Variants in CSMD1 observed in about 807,000 individuals in gnomAD.
CSMD1 encodes CUB and Sushi multiple domains 1, also known as CUB and sushi domain-containing protein 1.
Under a neutral mutation model 417.5 loss-of-function variants are expected in CSMD1, and 213 were observed. The ratio of observed to expected loss-of-function variants is 0.51; its 90% CI spans 0.46 to 0.57. The LOEUF is 0.57. CSMD1 is among the 20% of genes least tolerant of loss of function. CSMD1 has a pLI of 0.00. For synonymous variants in CSMD1, 2,862 were observed against 1,736.8 expected, an observed-to-expected ratio of 1.65 and a Z score of -16.11; for missense variants, 6,923 against 4,529.7, an observed-to-expected ratio of 1.53 and a Z score of -15.17.
intron 3 of CSMD1, among the ~76,000 whole-genome samples, chr8:4,158,226 C>G (rs1473147823): frequency 3.3e-5 from 5 of 151,812 alleles, no homozygotes; most frequent in African/African-American, 9.7e-5. Context: ...ACCATTGATG[C>G]TAGGACGGAG....
intron 2 of CSMD1, among the ~76,000 whole-genome samples, chr8:4,480,406 A>C (rs1801033950): frequency 6.6e-6 from 1 of 152,152 alleles, no homozygotes; most frequent in Admixed American, 6.5e-5. Context: ...TAAGTTTGTA[A>C]AGCGCGTTAA....
chr8:4,291,077 G>A (rs754004898), intron 3 of CSMD1, among the ~76,000 whole-genome samples: 9 of 152,042 alleles, frequency 5.9e-5, no homozygotes, highest in South Asian at 4.1e-4. Context: ...GGAATTTCCT[G>A]TTTTATTTTG....
chr8:3,396,028 C>T (rs1297504876), intron 17 of CSMD1, among the ~76,000 whole-genome samples, 166 bp downstream of exon 17: 1 of 152,160 alleles, frequency 6.6e-6, no homozygotes, highest in South Asian at 2.1e-4. Context: ...AAGATGCTCT[C>T]TTATGAATAA....
chr8:4,464,984 C>T (rs1315606646), intron 2 of CSMD1, among the ~76,000 whole-genome samples: 1 of 152,128 alleles, frequency 6.6e-6, no homozygotes, highest in African/African-American at 2.4e-5. Flanking sequence ...AGAATGACTT[C>T]TTTTTCCTGA....
intron 1 of CSMD1, among the ~76,000 whole-genome samples, chr8:4,714,868 A>C (rs1466107770): frequency 6.6e-6 from 1 of 152,222 alleles, no homozygotes; most frequent in Non-Finnish European, 1.5e-5. Flanking sequence ...CCGAAGAAAA[A>C]AATCTGTATA....
intron 2 of CSMD1, among the ~76,000 whole-genome samples, chr8:4,633,110 G>T (rs1039178993): frequency 6.6e-6 from 1 of 152,202 alleles, no homozygotes; most frequent in African/African-American, 2.4e-5. Flanking sequence ...GGAGCCTGGG[G>T]CAGGAAAGGA....
At chr8:2,978,888 T>C (rs983406384) in intron 54 of CSMD1, 88 bp from the exon 55 acceptor site, 3 of 1,151,864 alleles carry the variant, frequency 2.6e-6, no homozygotes, top group Admixed American at 3.0e-5. Flanking sequence ...TTCCTCATCA[T>C]TTTAGAAAGT....
At position 4,859,448 on chromosome 8, in the gene CSMD1, G is replaced by T. The variant is rs375443456; in HGVS notation, c.85+134884C>A. On this transcript the variant is annotated intron_variant, in intron 1 of 69. Coordinates refer to ENST00000635120, the MANE Select transcript of CSMD1 (RefSeq NM_033225.6). ...AATTAAGAGCTTCTGCACAGCAAAA[G>T]AAACTACCATCAGAGTGAACAGGCA... 7.2e-4 allele frequency among the ~76,000 whole-genome samples: 110 copies of T among 152,242 alleles called. 3 individuals are homozygous for T. The South Asian group carries it at 0.022, about 30-fold the overall frequency.
Position 3,214,442 on chromosome 8 carries a change from T to C in CSMD1, c.4867+55A>G, listed in dbSNP as rs1436356088. 6 of 1,380,046 alleles carry C rather than the reference T, an allele frequency of 4.3e-6. No homozygotes were observed. The African/African-American group carries it at 8.7e-5, about 20-fold the overall frequency. The allele number at this position is 1,380,046 out of a possible 1,614,324, so 85.5% of individuals were successfully genotyped here. ...ATGTGAAACCATTTCTTCAATGAGA[T>C]GCTGCATTTTAAAGGAAAGTTGTAT... On this transcript the variant is annotated intron_variant, in intron 30 of 69. Transcript: ENST00000635120.
intron 12 of CSMD1, among the ~76,000 whole-genome samples, chr8:3,433,076 A>G (rs1039782711): frequency 2.0e-5 from 3 of 152,236 alleles, no homozygotes; most frequent in African/African-American, 7.2e-5. Context: ...CTAGTTTTTA[A>G]AAGTTATAAT....
chr8:3,443,229 G>A (rs760886668), intron 12 of CSMD1, among the ~76,000 whole-genome samples: 7 of 152,116 alleles, frequency 4.6e-5, no homozygotes, highest in African/African-American at 7.2e-5. Flanking sequence ...ATTTCTTATA[G>A]CAAAGAACTG....
intron 6 of CSMD1, among the ~76,000 whole-genome samples, chr8:3,732,301 A>G (rs991794220): frequency 6.6e-6 from 1 of 152,226 alleles, no homozygotes; most frequent in African/African-American, 2.4e-5. Flanking sequence ...TCTTTCCGCT[A>G]AAAATAATTT....
intron 37 of CSMD1, 113 bp from the exon 38 acceptor site, chr8:3,162,390 T>C: frequency 1.5e-6 from 1 of 687,734 alleles, no homozygotes; most frequent in South Asian, 1.7e-5. Flanking sequence ...GAACAAAGAC[T>C]TCAACTCTTT....
chr8:3,540,436 A>G (rs879442944), intron 10 of CSMD1, among the ~76,000 whole-genome samples: 1 of 152,234 alleles, frequency 6.6e-6, no homozygotes, highest in Non-Finnish European at 1.5e-5. Flanking sequence ...ACCCTAGAAT[A>G]AAATCAAGGC....
At chr8:3,301,161 C>G (rs950978540) in intron 25 of CSMD1, among the ~76,000 whole-genome samples, 2 of 151,674 alleles carry the variant, frequency 1.3e-5, no homozygotes, top group Non-Finnish European at 2.9e-5. Flanking sequence ...TCTATATAGA[C>G]ATTAGTTTTA....
At chr8:4,264,878 C>T (rs540485042) in intron 3 of CSMD1, among the ~76,000 whole-genome samples, 5 of 152,174 alleles carry the variant, frequency 3.3e-5, no homozygotes, top group African/African-American at 7.2e-5. Flanking sequence ...CTAGGTAGGA[C>T]GATGAACAGA....
At chr8:4,983,384 A>G (rs1158850759) in intron 1 of CSMD1, among the ~76,000 whole-genome samples, 1 of 152,240 alleles carries the variant, frequency 6.6e-6, no homozygotes, top group East Asian at 1.9e-4. Flanking sequence ...TTATTTATTT[A>G]TTAAAGAAAC....
chr8:3,589,447 T>C lies in CSMD1; in HGVS notation c.1098-3187A>G, dbSNP rs145272145. ...ACAATGGAATACTATTCAGCCTTTT[T>C]TAAAAAAGAGGAAATCTTGCCATTT... On this transcript the variant is annotated intron_variant, in intron 8 of 69. Coordinates refer to ENST00000635120, the MANE Select transcript of CSMD1 (RefSeq NM_033225.6). 6.2e-3 allele frequency among the ~76,000 whole-genome samples: 938 copies of C among 152,066 alleles called. 8 individuals carry two copies. The highest frequency in any genetic ancestry group is 8.4e-3 in the Non-Finnish European group (571 of 67,998).
chr8:3,952,595 G>A (rs1210919868), intron 5 of CSMD1, among the ~76,000 whole-genome samples: 1 of 152,176 alleles, frequency 6.6e-6, no homozygotes, highest in South Asian at 2.1e-4. Context: ...CCAAGAGACA[G>A]GGAGAGAGGA....
Sources: gnomAD v4.1 joint callset for allele counts (sites outside exome capture counted in the v4.1 genomes callset) on GRCh38, gnomAD v4.1.1 for gene constraint, MANE v1.5 for transcripts, NCBI Gene and HGNC (gene_info 2026-07-23, HGNC 2026-07-21) for gene names.